The following ARHGAP17 variants were observed in gnomAD, a reference collection of about 807,000 sequenced individuals.
The protein encoded by ARHGAP17 is Rho GTPase activating protein 17.
A neutral mutation model predicts 99.5 loss-of-function variants in ARHGAP17; 57 were observed. The observed-to-expected ratio is 0.57, with a 90% CI of 0.46 to 0.71. ARHGAP17 has a LOEUF of 0.71. Ranked by LOEUF, ARHGAP17 falls within the 30% of genes least tolerant of loss-of-function variation. The pLI is 0.00. For missense variants in ARHGAP17, 1,000 were observed against 1,122.4 expected (o/e 0.89, Z 1.56); for synonymous variants, 417 against 429.6 (o/e 0.97, Z 0.36).
intron 1 of ARHGAP17, among the ~76,000 whole-genome samples, chr16:24,997,059 G>A (rs1392256833): frequency 2.0e-5 from 3 of 152,244 alleles, no homozygotes; most frequent in Non-Finnish European, 2.9e-5. Flanking sequence ...TATTAAACAA[G>A]TCAATACACA....
chr16:24,992,885 C>G (rs1258121305), intron 1 of ARHGAP17, among the ~76,000 whole-genome samples: 1 of 152,136 alleles, frequency 6.6e-6, no homozygotes, highest in East Asian at 1.9e-4. Flanking sequence ...ATTTTAGCCT[C>G]CAACTCCTGG....
chr16:25,006,412 T>C (rs1165592430), intron 1 of ARHGAP17, among the ~76,000 whole-genome samples: 1 of 145,566 alleles, frequency 6.9e-6, no homozygotes, highest in Non-Finnish European at 1.5e-5. Context: ...ATCATGCCAC[T>C]GCACTCCAGA....
At chr16:24,966,841 C>T (rs1428098148) in intron 6 of ARHGAP17, among the ~76,000 whole-genome samples, 1 of 152,128 alleles carries the variant, frequency 6.6e-6, no homozygotes, top group East Asian at 1.9e-4. Flanking sequence ...AATGTATGCT[C>T]CTGAAGGCAC....
chr16:24,938,674 A>AG (rs1377207925), intron 17 of ARHGAP17, among the ~76,000 whole-genome samples: 4 of 149,946 alleles, frequency 2.7e-5, no homozygotes, highest in Admixed American at 6.7e-5. Context: ...TGGGAGGCTT[A>AG]GGTAGGAGGA....
intron 1 of ARHGAP17, among the ~76,000 whole-genome samples, chr16:24,991,181 G>A (rs1223679675): frequency 1.3e-5 from 2 of 152,126 alleles, no homozygotes; most frequent in Non-Finnish European, 2.9e-5. Context: ...GTTCACATGT[G>A]CACCTTACTA....
chr16:24,950,713 T>C (rs1187613153), intron 12 of ARHGAP17, among the ~76,000 whole-genome samples: 3 of 151,658 alleles, frequency 2.0e-5, no homozygotes, highest in Non-Finnish European at 4.4e-5. Context: ...GGTGTGCGCC[T>C]GTAATCCCAG....
rs369706777 is a variant in ARHGAP17, at chr16:24,959,658, C to T, written c.724+13G>A. The T allele has an allele frequency of 4.8e-5, 77 of 1,612,720 alleles. No homozygotes were observed. The highest frequency in any genetic ancestry group is 1.5e-4 in the Admixed American group (9 of 59,782). ...GCAAGAAGGAAGCATCAGCCGCACGCGGGTTACATTACCTTGATGGGCTCG... is the reference window on the plus strand; with the variant it reads ...GCAAGAAGGAAGCATCAGCCGCACGTGGGTTACATTACCTTGATGGGCTCG... On this transcript the variant is annotated intron_variant, in intron 9 of 19. Coordinates refer to ENST00000289968, the MANE Select transcript of ARHGAP17 (RefSeq NM_001006634.3).
Position 24,949,291 on chromosome 16 carries a change from T to TTTG in ARHGAP17, c.1127+110_1127+112dup, listed in dbSNP as rs916033943. ...TACTCTCCAAAGTGATGTGGTTTTT[T>TTTG]TTGTTGTTGTTGTTGTTTTTTAATG... On this transcript the variant is annotated intron_variant, in intron 13 of 19. Transcript: ENST00000289968. The TTTG allele has an allele frequency of 1.3e-5, 10 of 755,082 alleles. 1 individual carries two copies. Among genetic ancestry groups the TTTG allele is most frequent in the East Asian group, 8.2e-5 (3 of 36,528 alleles). 46.8% of individuals were successfully genotyped at this position (755,082 alleles called of 1,614,324 possible).
chr16:24,947,672 A>C, intron 13 of ARHGAP17, 77 bp from the exon 14 acceptor site: 1 of 1,280,818 alleles, frequency 7.8e-7, no homozygotes. Flanking sequence ...CTGGGTGCAC[A>C]ATCCCAGTTT....
intron 13 of ARHGAP17, among the ~76,000 whole-genome samples, chr16:24,948,412 G>A (rs2051537226): frequency 6.6e-6 from 1 of 152,044 alleles, no homozygotes; most frequent in African/African-American, 2.4e-5. Flanking sequence ...GGGTGGCTGG[G>A]GTATGGGAAC....
chr16:24,985,548 C>A (rs1373658924), intron 1 of ARHGAP17, among the ~76,000 whole-genome samples: 1 of 152,204 alleles, frequency 6.6e-6, no homozygotes, highest in Non-Finnish European at 1.5e-5. Flanking sequence ...ACTCTGCGAC[C>A]TCCCTCTTCC....
chr16:24,935,923 C>T, intron 17 of ARHGAP17: 1 of 433,698 alleles, frequency 2.3e-6, no homozygotes, highest in South Asian at 2.1e-5. Flanking sequence ...CCTCTCCTGC[C>T]TCAGCACCCT....
At chr16:24,926,109 GA>G (rs1175708408) in intron 19 of ARHGAP17, among the ~76,000 whole-genome samples, 37 of 107,104 alleles carry the variant, frequency 3.5e-4, no homozygotes, top group South Asian at 1.2e-3. Context: ...GACTCCGTCT[GA>G]AAAAAAAAAA....
At chr16:24,924,881 A>T (rs540345806) in intron 19 of ARHGAP17, among the ~76,000 whole-genome samples, 5 of 152,118 alleles carry the variant, frequency 3.3e-5, no homozygotes, top group South Asian at 4.1e-4. Context: ...AAAAAAATAA[A>T]AAAAAAAGCA....
intron 1 of ARHGAP17, among the ~76,000 whole-genome samples, chr16:25,007,461 G>C (rs1168629524): frequency 1.3e-5 from 2 of 152,102 alleles, no homozygotes. Flanking sequence ...GACCTCCCAG[G>C]CTCAAGCGAT....
chr16:24,977,289 T>C lies in ARHGAP17; in HGVS notation c.124A>G (p.Ile42Val), dbSNP rs753227050. 6.9e-6 allele frequency: 11 copies of C among 1,597,108 alleles called. No individual in the cohort carries two copies. Among genetic ancestry groups the C allele is most frequent in the Non-Finnish European group, 9.4e-6 (11 of 1,168,256 alleles). Residue 42 changes from isoleucine to valine, a missense_variant, in exon 3 of 20, where the codon ATA (isoleucine) becomes GTA (valine). By Grantham distance (29) the Ile-to-Val change is conservative (BLOSUM62 3). Around this residue, in one of 2 missense-constraint regions of ARHGAP17, gnomAD observed 472 missense variants for 611.1 expected, o/e 0.77. Coordinates refer to ENST00000289968, the MANE Select transcript of ARHGAP17 (RefSeq NM_001006634.3). ...IERRLDTVRSICHHSHKRLVA... is the reference protein window; with the variant it reads ...IERRLDTVRSVCHHSHKRLVA... ...AAGCGCTTATGGGAATGGTGGCATA[T>C]TGACCGCACCGTGTCCAGGCGTCTC... is the stretch of plus-strand genomic sequence containing the variant.
At position 24,924,445 on chromosome 16, in the gene ARHGAP17, T is replaced by TG. The variant is rs544625220; in HGVS notation, c.2516-4186_2516-4185insC. ...TTTTATTGGAGGTCTCTTTTCTGTT[T>TG]TTTTTTTTTTTAAATAAAATATCTA... On this transcript the variant is annotated intron_variant, in intron 19 of 19. Transcript: ENST00000289968. Among the ~76,000 whole-genome samples, 58 of 150,084 alleles carry TG rather than the reference T, an allele frequency of 3.9e-4. No individual in the cohort carries two copies. In the East Asian group the frequency reaches 9.9e-3, roughly 26 times the overall value.
chr16:24,928,252 G>A (rs1567206134), intron 19 of ARHGAP17, among the ~76,000 whole-genome samples: 1 of 152,192 alleles, frequency 6.6e-6, no homozygotes, highest in Non-Finnish European at 1.5e-5. Flanking sequence ...GAGGCCAGGG[G>A]ATTTTAAGAT....
chr16:24,984,581 G>A (rs957347753), intron 1 of ARHGAP17, among the ~76,000 whole-genome samples: 12 of 152,056 alleles, frequency 7.9e-5, no homozygotes, highest in African/African-American at 1.9e-4. Context: ...GTGTGATCCC[G>A]GGAGGCGGAG....
Sources: allele counts gnomAD v4.1 joint callset (sites outside exome capture counted in the v4.1 genomes callset), GRCh38; gene constraint gnomAD v4.1.1; regional missense constraint gnomAD v4.1.1; transcripts MANE v1.5; gene names NCBI Gene and HGNC (gene_info 2026-07-23, HGNC 2026-07-21).